The following KCNH5 variants were observed in gnomAD, a reference collection of about 807,000 sequenced individuals.
The protein encoded by KCNH5 is voltage-gated delayed rectifier potassium channel KCNH5.
Under a neutral mutation model 96.1 loss-of-function variants are expected in KCNH5, and 46 were observed. That is an observed-to-expected ratio of 0.48 (90% CI 0.38 to 0.61). The LOEUF (loss-of-function observed/expected upper bound fraction) is 0.61, where lower values mean the gene tolerates loss of function less well. Ranked by LOEUF, KCNH5 falls within the 20% of genes least tolerant of loss-of-function variation. The probability of loss-of-function intolerance (pLI) is 0.00; values close to 1 mark genes in which losing one functional copy is unlikely to be tolerated. For missense variants in KCNH5, 907 were observed against 1,225.8 expected (o/e 0.74, Z 3.88); for synonymous variants, 439 against 449.8 (o/e 0.98, Z 0.30).
At chr14:62,908,287 A>C (rs1443717561) in intron 7 of KCNH5, among the ~76,000 whole-genome samples, 1 of 152,228 alleles carries the variant, frequency 6.6e-6, no homozygotes, top group African/African-American at 2.4e-5. Context: ...CAATGAAGTC[A>C]ACGGGTTTGT....
intron 10 of KCNH5, among the ~76,000 whole-genome samples, chr14:62,726,390 T>C (rs1884925887): frequency 6.6e-6 from 1 of 151,922 alleles, no homozygotes; most frequent in Non-Finnish European, 1.5e-5. Flanking sequence ...ATAAATGCAA[T>C]GCATATACCC....
intron 7 of KCNH5, among the ~76,000 whole-genome samples, chr14:62,935,462 G>C (rs551024078): frequency 3.3e-4 from 50 of 152,240 alleles, no homozygotes; most frequent in African/African-American, 1.2e-3. Flanking sequence ...TAAAGTAATA[G>C]GGACACTTCA....
intron 2 of KCNH5, among the ~76,000 whole-genome samples, chr14:63,014,141 T>C (rs780572564): frequency 3.3e-5 from 5 of 152,190 alleles, no homozygotes; most frequent in Admixed American, 6.6e-5. Flanking sequence ...TTGAAAACAC[T>C]GTCTCTGATA....
intron 1 of KCNH5, among the ~76,000 whole-genome samples, chr14:63,039,401 G>C (rs1316806390): frequency 1.3e-5 from 2 of 151,982 alleles, no homozygotes; most frequent in African/African-American, 4.8e-5. Context: ...ATAACATCCT[G>C]AGGAAGTAAC....
intron 7 of KCNH5, among the ~76,000 whole-genome samples, chr14:62,907,579 C>A (rs1889054505): frequency 6.6e-6 from 1 of 152,108 alleles, no homozygotes; most frequent in South Asian, 2.1e-4. Context: ...GGACAGGAAA[C>A]CAAGCACTGC....
chr14:62,715,669 C>T (rs1467427883), intron 10 of KCNH5, among the ~76,000 whole-genome samples: 3 of 152,170 alleles, frequency 2.0e-5, no homozygotes, highest in Non-Finnish European at 2.9e-5. Flanking sequence ...TTCAGCCACT[C>T]ATCAATCTGT....
rs1317579145 is a variant in KCNH5 at position 62,701,027 on chromosome 14, C to T, written c.*6481G>A. 1.3e-5 allele frequency: 2 copies of T among 152,082 alleles called. No individual in the cohort carries two copies. The highest frequency in any genetic ancestry group is 4.8e-5 in the African/African-American group (2 of 41,428). The allele number at this position is 152,082 out of a possible 1,614,324, so 9.4% of individuals were successfully genotyped here. A position where few individuals can be genotyped will look rare whatever the true frequency, so the allele number is the denominator to read the frequency against. On this transcript the variant is annotated 3_prime_UTR_variant, in exon 11 of 11. Transcript: ENST00000322893. Reference sequence around the variant, plus strand: ...TACTCAATCTGGTTTATTGAAGCTTCAAGGTGAATATTTTGGCTTTGACTG... The same window carrying T: ...TACTCAATCTGGTTTATTGAAGCTTTAAGGTGAATATTTTGGCTTTGACTG...
chr14:62,729,986 C>T (rs1885016333), intron 10 of KCNH5, among the ~76,000 whole-genome samples: 1 of 152,140 alleles, frequency 6.6e-6, no homozygotes, highest in African/African-American at 2.4e-5. Flanking sequence ...TACCGTGTTA[C>T]AATACTTAAA....
intron 7 of KCNH5, among the ~76,000 whole-genome samples, chr14:62,887,852 A>G (rs1249366822): frequency 2.0e-5 from 3 of 152,200 alleles, no homozygotes; most frequent in East Asian, 1.9e-4. Flanking sequence ...GTAGTCTCAC[A>G]TGAAACTTTT....
intron 10 of KCNH5, among the ~76,000 whole-genome samples, chr14:62,745,469 T>G (rs541060764): frequency 6.6e-6 from 1 of 152,156 alleles, no homozygotes; most frequent in African/African-American, 2.4e-5. Flanking sequence ...AACACTAAAT[T>G]TATCAACTCT....
chr14:62,865,695 C>T (rs1888121665), intron 7 of KCNH5, among the ~76,000 whole-genome samples: 1 of 152,040 alleles, frequency 6.6e-6, no homozygotes, highest in Non-Finnish European at 1.5e-5. Flanking sequence ...TTTTTCAAAT[C>T]CCTTCAGTTG....
chr14:62,905,102 G>A (rs1889001768), intron 7 of KCNH5, among the ~76,000 whole-genome samples: 1 of 152,142 alleles, frequency 6.6e-6, no homozygotes, highest in Non-Finnish European at 1.5e-5. Flanking sequence ...GGTTCTGATG[G>A]CATTATACCC....
At chr14:62,798,071 C>T (rs1345645754) in intron 9 of KCNH5, among the ~76,000 whole-genome samples, 1 of 152,110 alleles carries the variant, frequency 6.6e-6, no homozygotes, top group Admixed American at 6.6e-5. Flanking sequence ...AATTCGAGTG[C>T]TAAAGACTCT....
At chr14:62,782,319 C>T (rs961212595) in intron 9 of KCNH5, among the ~76,000 whole-genome samples, 1 of 152,168 alleles carries the variant, frequency 6.6e-6, no homozygotes, top group East Asian at 1.9e-4. Flanking sequence ...AAAGAGAAAA[C>T]ATGCACATGA....
intron 7 of KCNH5, among the ~76,000 whole-genome samples, chr14:62,858,084 A>C (rs1887964492): frequency 6.6e-6 from 1 of 152,196 alleles, no homozygotes; most frequent in African/African-American, 2.4e-5. Context: ...AGGAAATAAA[A>C]TGAAGATATT....
chr14:62,955,860 A>G, intron 6 of KCNH5, among the ~76,000 whole-genome samples: 1 of 152,182 alleles, frequency 6.6e-6, no homozygotes, highest in East Asian at 1.9e-4. Flanking sequence ...CATTGTTCAC[A>G]TGAGGACACT....
intron 7 of KCNH5, among the ~76,000 whole-genome samples, chr14:62,859,047 G>A (rs925497697): frequency 1.5e-4 from 23 of 152,274 alleles, no homozygotes; most frequent in African/African-American, 5.1e-4. Context: ...GGAGGATAAG[G>A]CATTCCATGA....
intron 10 of KCNH5, among the ~76,000 whole-genome samples, chr14:62,774,944 T>G (rs1185394690): frequency 6.6e-6 from 1 of 152,160 alleles, no homozygotes; most frequent in East Asian, 1.9e-4. Flanking sequence ...ATGCACAAAA[T>G]AAAATATGTA....
At chr14:62,780,304 T>C (rs1379884015) in intron 9 of KCNH5, among the ~76,000 whole-genome samples, 5 of 152,204 alleles carry the variant, frequency 3.3e-5, no homozygotes, top group African/African-American at 4.8e-5. Context: ...CAAAATGCAA[T>C]ACAGAAGGAT....
Sources: gnomAD v4.1 joint callset for allele counts (sites outside exome capture counted in the v4.1 genomes callset) on GRCh38, gnomAD v4.1.1 for gene constraint, MANE v1.5 for transcripts, NCBI Gene and HGNC (gene_info 2026-07-23, HGNC 2026-07-21) for gene names.